Variants in RC3H2 observed in about 807,000 individuals in gnomAD.
RC3H2 encodes roquin-2.
RC3H2 carries 31 observed loss-of-function variants against 133.3 expected under a neutral mutation model. The ratio of observed to expected loss-of-function variants is 0.23; its 90% CI spans 0.17 to 0.31. The LOEUF is 0.31. RC3H2 is among the 10% of genes least tolerant of loss of function. The probability of loss-of-function intolerance (pLI) is 1.00; values close to 1 mark genes in which losing one functional copy is unlikely to be tolerated. For missense variants in RC3H2, 1,175 were observed against 1,437.2 expected (o/e 0.82, Z 2.95); for synonymous variants, 517 against 502.2 (o/e 1.03, Z -0.40).
intron 20 of RC3H2, 111 bp downstream of exon 20, chr9:122,850,970 G>T: frequency 1.8e-6 from 2 of 1,092,834 alleles, no homozygotes; most frequent in Non-Finnish European, 1.3e-6. Context: ...CCAAATCATT[G>T]CCCATATAAG....
chr9:122,866,508 G>A (rs1317813972), intron 9 of RC3H2, among the ~76,000 whole-genome samples: 2 of 149,480 alleles, frequency 1.3e-5, no homozygotes, highest in Non-Finnish European at 3.0e-5. Flanking sequence ...CTCCCTGCCT[G>A]ATTCTCCTGC....
chr9:122,851,612 T>C (rs1245147375), intron 18 of RC3H2, 176 bp from the exon 19 acceptor site: 1 of 827,654 alleles, frequency 1.2e-6, no homozygotes, highest in Non-Finnish European at 1.8e-6. Context: ...TTCTCCTGCC[T>C]CAGCCTGCAG....
At position 122,851,063 on chromosome 9, in the gene RC3H2, T is replaced by C. The variant is rs989618530; in HGVS notation, c.3380+18A>G. ...TGTCCTATGCCCACTGTTTATGAAT[T>C]TTCTGTCTAACACTCACAGAATCAC... On this transcript the variant is annotated intron_variant, in intron 20 of 20. Transcript: ENST00000357244. The C allele has an allele frequency of 1.9e-6, 3 of 1,612,960 alleles. No homozygotes were observed. Among genetic ancestry groups the C allele is most frequent in the Non-Finnish European group, 2.5e-6 (3 of 1,179,498 alleles).
At chr9:122,867,477 C>T (rs1471708951) in intron 9 of RC3H2, among the ~76,000 whole-genome samples, 2 of 148,404 alleles carry the variant, frequency 1.3e-5, no homozygotes, top group Admixed American at 6.7e-5. Context: ...GCCCCCCGCC[C>T]GGCCAGCCGC....
rs746247604 is a variant in RC3H2 at position 122,851,426 on chromosome 9, T to C, written c.3128A>G (p.Asp1043Gly). ...AGTATCTGTTGCATCTTCTGTATAA[T>C]CACTCTGTAACTAAGAAAAATACTG... The part of the protein sequence containing the change: ...IELRNGELQS[D>G]YTEDATDTKP... The change falls in exon 19 of 21, where the codon GAT becomes GGT. Residue 1043 changes from aspartate to glycine, a missense_variant. This residue lies in a region of RC3H2 where 220 missense variants were observed against 201.1 expected (regional missense o/e 1.09). Coordinates refer to ENST00000357244, the MANE Select transcript of RC3H2 (RefSeq NM_001100588.3). The C allele has an allele frequency of 7.2e-5, 117 of 1,613,962 alleles. No individual in the cohort carries two copies. Among genetic ancestry groups the C allele is most frequent in the Non-Finnish European group, 9.6e-5 (113 of 1,180,022 alleles).
At chr9:122,885,974 G>A (rs748068049) in intron 4 of RC3H2, among the ~76,000 whole-genome samples, 1 of 152,150 alleles carries the variant, frequency 6.6e-6, no homozygotes, top group African/African-American at 2.4e-5. Context: ...TGCAACCTCC[G>A]CCTCCTAGGT....
intron 2 of RC3H2, among the ~76,000 whole-genome samples, chr9:122,894,120 G>A (rs1157278926): frequency 2.0e-5 from 3 of 151,972 alleles, no homozygotes; most frequent in Admixed American, 6.6e-5. Flanking sequence ...TTAGCCGGGC[G>A]TGGTGGCGGG....
At position 122,846,290 on chromosome 9, in the gene RC3H2, A is replaced by G. The variant is rs1302521033; in HGVS notation, c.*3337T>C. ...TCTTTTATTATCCTCTTACTAGAAT[A>G]AATAGCTATGATGGGAAGGAAAAAT... On this transcript the variant is annotated 3_prime_UTR_variant, in exon 21 of 21. Transcript: ENST00000357244. 1 of 152,200 alleles carries G rather than the reference A, an allele frequency of 6.6e-6. No homozygotes were observed. The highest frequency in any genetic ancestry group is 2.4e-5 in the African/African-American group (1 of 41,448). The allele number at this position is 152,200 out of a possible 1,614,324, so 9.4% of individuals were successfully genotyped here. A position where few individuals can be genotyped will look rare whatever the true frequency, so the allele number is the denominator to read the frequency against.
rs549883627 is a variant in RC3H2, at chr9:122,898,694, A to C, written c.-67-1118T>G. ...AATGTGGAAGGCGGAGATTGCAGTG[A>C]GCCGAGATCACGTCATCGCACTCCA... On this transcript the variant is annotated intron_variant, in intron 1 of 20. Coordinates refer to ENST00000357244, the MANE Select transcript of RC3H2 (RefSeq NM_001100588.3). Among the ~76,000 whole-genome samples the C allele has an allele frequency of 3.3e-5, 5 of 150,838 alleles. No individual in the cohort carries two copies. In the South Asian group the frequency reaches 6.3e-4, roughly 19 times the overall value.
intron 10 of RC3H2, 122 bp from the exon 11 acceptor site, chr9:122,860,253 C>G: frequency 1.4e-6 from 1 of 697,988 alleles, no homozygotes; most frequent in South Asian, 1.9e-5. Flanking sequence ...CAGACATTGC[C>G]ACATTGACAA....
rs962549539 is a variant in RC3H2 at position 122,848,761 on chromosome 9, A to C, written c.*866T>G. The C allele has an allele frequency of 1.3e-5, 2 of 152,192 alleles. No homozygotes were observed. Among genetic ancestry groups the C allele is most frequent in the Non-Finnish European group, 2.9e-5 (2 of 67,998 alleles). 9.4% of individuals were successfully genotyped at this position (152,192 alleles called of 1,614,324 possible). On this transcript the variant is annotated 3_prime_UTR_variant, in exon 21 of 21. Coordinates refer to ENST00000357244, the MANE Select transcript of RC3H2 (RefSeq NM_001100588.3). ...ATTCTTTTGCCAAGTCATCAGATTC[A>C]ATAATGTACAGGCTTAAATCTGCAT...
At position 122,905,177 on chromosome 9, in the gene RC3H2, C is replaced by T. The variant is rs1832795027; in HGVS notation, c.-135G>A. The T allele has an allele frequency of 3.0e-6, 3 of 985,330 alleles. No homozygotes were observed. Among genetic ancestry groups the T allele is most frequent in the African/African-American group, 3.5e-5 (2 of 57,246 alleles). The allele number at this position is 985,330 out of a possible 1,614,324, so 61.0% of individuals were successfully genotyped here. A position where few individuals can be genotyped will look rare whatever the true frequency, so the allele number is the denominator to read the frequency against. Reference sequence around the variant, plus strand: ...GCCCCGCGACGGCGCGGCTTGGCGACGGAGGCGCCTCGTCTCGCCGGGGCA... The same window carrying T: ...GCCCCGCGACGGCGCGGCTTGGCGATGGAGGCGCCTCGTCTCGCCGGGGCA... On this transcript the variant is annotated 5_prime_UTR_variant, in exon 1 of 21. Transcript: ENST00000357244.
chr9:122,900,999 T>C (rs1164227004), intron 1 of RC3H2, among the ~76,000 whole-genome samples: 6 of 152,200 alleles, frequency 3.9e-5, no homozygotes, highest in Non-Finnish European at 7.4e-5. Flanking sequence ...GCATCTCTTA[T>C]ATGATTCAAA....
intron 1 of RC3H2, 86 bp downstream of exon 1, chr9:122,905,024 G>C: frequency 1.1e-6 from 1 of 923,362 alleles, no homozygotes; most frequent in Non-Finnish European, 1.3e-6. Flanking sequence ...ACAGGCCCCA[G>C]GGCTGAGACT....
At chr9:122,883,517 T>A in intron 4 of RC3H2, 138 bp from the exon 5 acceptor site, 1 of 556,858 alleles carries the variant, frequency 1.8e-6, no homozygotes, top group Non-Finnish European at 3.0e-6. Context: ...AAAGAGGACA[T>A]CACACGTACA....
rs996886372 is a variant in RC3H2, at chr9:122,897,430, T to C, written c.80A>G (p.Lys27Arg). ...GTGTGAACAACCTAAACTGATGGGT[T>C]TGTGCACATTCTCATCAAATTCATT... Reference protein sequence around the residue: ...CYNEFDENVHKPISLGCSHTV... With the variant: ...CYNEFDENVHRPISLGCSHTV... The change falls in exon 2 of 21, where the codon AAA (lysine) becomes AGA (arginine). Residue 27 changes from lysine to arginine, a missense_variant. Physicochemically the swap from Lys to Arg is conservative, Grantham distance 26. Transcript: ENST00000357244. The C allele has an allele frequency of 6.2e-7, 1 of 1,614,224 alleles. No homozygotes were observed. Among genetic ancestry groups the C allele is most frequent in the African/African-American group, 1.3e-5 (1 of 75,054 alleles).
At chr9:122,858,181 T>C (rs910541546) in intron 12 of RC3H2, 88 bp from the exon 13 acceptor site, 4 of 1,239,928 alleles carry the variant, frequency 3.2e-6, no homozygotes, top group Non-Finnish European at 4.5e-6. Flanking sequence ...CAGTTTATGA[T>C]ATTGTTGGGA....
At chr9:122,903,442 T>C (rs1320067947) in intron 1 of RC3H2, among the ~76,000 whole-genome samples, 1 of 152,224 alleles carries the variant, frequency 6.6e-6, no homozygotes, top group Non-Finnish European at 1.5e-5. Context: ...AAGAATGCTT[T>C]GCCAAAATGC....
At chr9:122,885,271 G>A (rs1265294743) in intron 4 of RC3H2, among the ~76,000 whole-genome samples, 2 of 152,028 alleles carry the variant, frequency 1.3e-5, no homozygotes, top group African/African-American at 4.8e-5. Context: ...TAACAAATAT[G>A]GCAAAATATT....
Sources: gnomAD v4.1 joint callset for allele counts (sites outside exome capture counted in the v4.1 genomes callset) on GRCh38, gnomAD v4.1.1 for gene constraint, gnomAD v4.1.1 regional missense constraint, MANE v1.5 for transcripts, NCBI Gene and HGNC (gene_info 2026-07-23, HGNC 2026-07-21) for gene names.